The following AVEN variants were observed in gnomAD, a reference collection of about 807,000 sequenced individuals.
AVEN encodes the protein apoptosis and caspase activation inhibitor.
AVEN carries 41 observed loss-of-function variants against 38.1 expected under a neutral mutation model. That is an observed-to-expected ratio of 1.08 (90% CI 0.84 to 1.40). The LOEUF is 1.40. Ranked by LOEUF, AVEN falls within the 40% of genes most tolerant of loss-of-function variation. The pLI, the probability that AVEN is intolerant of heterozygous loss-of-function variation, is 0.00. For missense variants in AVEN, 605 were observed against 438.8 expected (o/e 1.38, Z -3.38); for synonymous variants, 206 against 171.8 (o/e 1.20, Z -1.56).
intron 2 of AVEN, among the ~76,000 whole-genome samples, chr15:34,068,297 C>T (rs998969076): frequency 2.0e-5 from 3 of 151,022 alleles, no homozygotes; most frequent in African/African-American, 7.3e-5. Context: ...CAGCTTCGAC[C>T]TCCCAGACTC....
chr15:33,904,708 T>TACACACACACACAC (rs568492308), intron 2 of AVEN, among the ~76,000 whole-genome samples: 60 of 115,060 alleles, frequency 5.2e-4, no homozygotes, highest in South Asian at 3.8e-3. Context: ...TATATATATA[T>TACACACACACACAC]ATATATATAC....
At chr15:34,042,422 C>T (rs920158497), upstream of AVEN, among the ~76,000 whole-genome samples, 3 of 123,578 alleles carry the variant, frequency 2.4e-5, no homozygotes, top group African/African-American at 3.2e-5. Flanking sequence ...TTTTTTGAGA[C>T]GGAGTTTCGC....
chr15:33,918,599 C>G (rs1286761256), intron 2 of AVEN, among the ~76,000 whole-genome samples: 1 of 150,294 alleles, frequency 6.7e-6, no homozygotes, highest in Non-Finnish European at 1.5e-5. Flanking sequence ...GCCTCCTGCG[C>G]ACACCACCAA....
At chr15:34,073,368 T>C (rs1037409817) in intron 1 of AVEN, among the ~76,000 whole-genome samples, 2 of 151,630 alleles carry the variant, frequency 1.3e-5, no homozygotes, top group Non-Finnish European at 2.9e-5. Flanking sequence ...ACAGACACTT[T>C]TTTAAACACA....
chr15:33,934,486 C>G (rs1893986969), intron 2 of AVEN, among the ~76,000 whole-genome samples: 1 of 152,126 alleles, frequency 6.6e-6, no homozygotes, highest in South Asian at 2.1e-4. Context: ...GTTAATTTCT[C>G]ATTTGTTTTG....
intron 2 of AVEN, among the ~76,000 whole-genome samples, chr15:33,891,280 C>T (rs889682381): frequency 5.9e-5 from 9 of 152,108 alleles, no homozygotes; most frequent in Admixed American, 2.6e-4. Flanking sequence ...ATGTGCACAA[C>T]GTGCAGGTTT....
intron 2 of AVEN, among the ~76,000 whole-genome samples, chr15:33,880,116 C>A (rs113995918): frequency 0.031 from 4,760 of 151,972 alleles, 116 homozygotes; most frequent in African/African-American, 0.063. Context: ...AACAAACAAA[C>A]AAAAAATGGG....
Position 33,898,460 on chromosome 15 carries a change from G to T in AVEN, c.446-22465C>A, listed in dbSNP as rs180907624. On this transcript the variant is annotated intron_variant, in intron 2 of 5. Coordinates refer to ENST00000306730, the MANE Select transcript of AVEN (RefSeq NM_020371.3). ...CATGCTGTCTCTGAAGGCTCTAGGGGAGGAGCTTCCCCTCATCTTCCTAGC... is the reference window on the plus strand; with the variant it reads ...CATGCTGTCTCTGAAGGCTCTAGGGTAGGAGCTTCCCCTCATCTTCCTAGC... Among the ~76,000 whole-genome samples, 57 of 152,318 alleles carry T rather than the reference G, an allele frequency of 3.7e-4. No individual in the cohort carries two copies. The East Asian group carries it at 9.5e-3, about 25-fold the overall frequency.
intron 2 of AVEN, among the ~76,000 whole-genome samples, chr15:33,962,431 T>G (rs1174125141): frequency 6.6e-6 from 1 of 152,126 alleles, no homozygotes; most frequent in African/African-American, 2.4e-5. Context: ...TCAGGGTCAT[T>G]CTCAACACTT....
At chr15:33,982,322 C>T (rs1194863291) in intron 2 of AVEN, among the ~76,000 whole-genome samples, 4 of 152,120 alleles carry the variant, frequency 2.6e-5, no homozygotes, top group Non-Finnish European at 5.9e-5. Flanking sequence ...ATTTCAAATT[C>T]CTATAAGATC....
At chr15:34,071,347 C>T (rs1161249847) in intron 1 of AVEN, among the ~76,000 whole-genome samples, 1 of 152,160 alleles carries the variant, frequency 6.6e-6, no homozygotes, top group African/African-American at 2.4e-5. Context: ...AGTGCAATGG[C>T]ATGGTAGCCT....
intron 2 of AVEN, among the ~76,000 whole-genome samples, chr15:33,904,092 A>T (rs1472086482): frequency 3.3e-5 from 5 of 152,226 alleles, no homozygotes; most frequent in Non-Finnish European, 5.9e-5. Flanking sequence ...AAACATCATT[A>T]TGCAGTGCAT....
At chr15:33,874,392 C>A (rs1295081713) in intron 3 of AVEN, among the ~76,000 whole-genome samples, 1 of 152,146 alleles carries the variant, frequency 6.6e-6, no homozygotes, top group Non-Finnish European at 1.5e-5. Context: ...ACTCTGGCCA[C>A]ACCCTTCTCT....
intron 2 of AVEN, among the ~76,000 whole-genome samples, chr15:33,961,637 C>T (rs1041614206): frequency 1.3e-5 from 2 of 151,260 alleles, no homozygotes; most frequent in Admixed American, 6.6e-5. Flanking sequence ...CACGGTGAAA[C>T]CCCGTCTCTA....
Position 33,927,197 on chromosome 15 carries a change from G to A in AVEN, c.446-51202C>T, listed in dbSNP as rs143666175. On this transcript the variant is annotated intron_variant, in intron 2 of 5. Transcript: ENST00000306730. The stretch of plus-strand genomic sequence containing the variant: ...TTGAACCCGAGAGGTGGAGCTTGCA[G>A]TGAGCCAAGATCATGCCACTGCACT... 3.0e-3 allele frequency among the ~76,000 whole-genome samples: 459 copies of A among 151,980 alleles called. 1 individual carries two copies. Among genetic ancestry groups the A allele is most frequent in the Middle Eastern group, 0.014 (4 of 292 alleles).
chr15:33,992,534 A>T, intron 2 of AVEN, among the ~76,000 whole-genome samples: 1 of 152,242 alleles, frequency 6.6e-6, no homozygotes, highest in East Asian at 1.9e-4. Flanking sequence ...CAGCCAGAAC[A>T]AATTTTTTAA....
At chr15:34,003,446 A>G (rs1897216962) in intron 1 of AVEN, among the ~76,000 whole-genome samples, 1 of 152,246 alleles carries the variant, frequency 6.6e-6, no homozygotes, top group Non-Finnish European at 1.5e-5. Context: ...ACATTTGTGT[A>G]GCTGATCTCT....
intron 4 of AVEN, among the ~76,000 whole-genome samples, chr15:33,868,657 T>C (rs929611869): frequency 2.0e-5 from 3 of 151,410 alleles, no homozygotes; most frequent in African/African-American, 7.3e-5. Flanking sequence ...ACCAAGACTC[T>C]CCTTGGTAAA....
At chr15:34,037,695 G>C (rs749537424) in intron 1 of AVEN, among the ~76,000 whole-genome samples, 4 of 151,710 alleles carry the variant, frequency 2.6e-5, no homozygotes, top group Non-Finnish European at 4.4e-5. Flanking sequence ...TCTCATTCAA[G>C]TTTTGCCTAT....
Sources: allele counts gnomAD v4.1 joint callset (sites outside exome capture counted in the v4.1 genomes callset), GRCh38; gene constraint gnomAD v4.1.1; transcripts MANE v1.5; gene names NCBI Gene and HGNC (gene_info 2026-07-23, HGNC 2026-07-21).